The following TOPAZ1 variants were observed in gnomAD, a reference collection of about 807,000 sequenced individuals.
TOPAZ1 encodes protein TOPAZ1.
Under a neutral mutation model 172.2 loss-of-function variants are expected in TOPAZ1, and 66 were observed. That is an observed-to-expected ratio of 0.38 (90% CI 0.31 to 0.47). The LOEUF (loss-of-function observed/expected upper bound fraction) is 0.47. TOPAZ1 is among the 20% of genes least tolerant of loss of function. The pLI is 0.99. For missense variants in TOPAZ1, 1,822 were observed against 1,972.4 expected, an observed-to-expected ratio of 0.92 and a Z score of 1.44; for synonymous variants, 681 against 683.9, an observed-to-expected ratio of 1.00 and a Z score of 0.07.
At chr3:44,276,390 T>C (rs1699957863) in intron 8 of TOPAZ1, among the ~76,000 whole-genome samples, 1 of 152,118 alleles carries the variant, frequency 6.6e-6, no homozygotes, top group Non-Finnish European at 1.5e-5. Context: ...CTTCTGAATA[T>C]GGATATCTTA....
chr3:44,317,800 T>C (rs1700466426), intron 16 of TOPAZ1, among the ~76,000 whole-genome samples: 1 of 152,230 alleles, frequency 6.6e-6, no homozygotes, highest in South Asian at 2.1e-4. Context: ...GTAAACTGTT[T>C]CTTATTCTTG....
chr3:44,331,940 T>A lies in TOPAZ1; in HGVS notation c.5008T>A (p.Cys1670Ser). The A allele has an allele frequency of 6.4e-7, 1 of 1,551,546 alleles. No homozygotes were observed. Among genetic ancestry groups the A allele is most frequent in the Non-Finnish European group, 8.7e-7 (1 of 1,146,982 alleles). ...GGAACAGGTTTATAGTTTGGAACAT[T>A]GTTCTGCCCTGAAATGGTTAAAAGA... ...NKEQVYSLEH[C>S]SALKWLKENM... is the part of the protein sequence containing the mutation. The change falls in exon 20 of 20, where the codon TGT (cysteine) becomes AGT (serine). Residue 1670 changes from cysteine (C) to serine (S), a missense_variant. Around this residue, in one of 2 missense-constraint regions of TOPAZ1, gnomAD observed 333 missense variants for 481.7 expected, o/e 0.69. Coordinates refer to ENST00000309765, the MANE Select transcript of TOPAZ1 (RefSeq NM_001145030.2).
chr3:44,325,424 A>G (rs1414852148), intron 18 of TOPAZ1, among the ~76,000 whole-genome samples: 1 of 152,154 alleles, frequency 6.6e-6, no homozygotes, highest in East Asian at 1.9e-4. Context: ...ATAGTCACAG[A>G]GTCATGCAGC....
intron 16 of TOPAZ1, among the ~76,000 whole-genome samples, chr3:44,316,060 C>T (rs1256483556): frequency 6.6e-6 from 1 of 151,752 alleles, no homozygotes; most frequent in Admixed American, 6.6e-5. Context: ...CGTAGGGAGA[C>T]TCTGTCTCTA....
In TOPAZ1 at chr3:44,243,034, A is replaced by G; in HGVS notation, c.528A>G (p.Lys176=). 6.5e-7 allele frequency: 1 copy of G among 1,541,322 alleles called. No homozygotes were observed. The highest frequency in any genetic ancestry group is 8.7e-7 in the Non-Finnish European group (1 of 1,144,572). Residue 176 remains lysine, a synonymous_variant, in exon 2 of 20, where the codon AAA becomes AAG. Coordinates refer to ENST00000309765, the MANE Select transcript of TOPAZ1 (RefSeq NM_001145030.2). ...GAAGAATTCGAAATAAAAAACTTAA[A>G]AGCTTAGAAAACCCACCTCTCAAAA... ...IKRRIRNKKL[K]SLENPPLKIT... is the part of the protein sequence containing the mutation.
At chr3:44,299,393 C>G (rs1293694787) in intron 12 of TOPAZ1, among the ~76,000 whole-genome samples, 8 of 151,988 alleles carry the variant, frequency 5.3e-5, no homozygotes. Flanking sequence ...AAATCAAAAC[C>G]ACAATGAGAT....
At chr3:44,283,747 A>G (rs1303960296) in intron 9 of TOPAZ1, among the ~76,000 whole-genome samples, 3 of 152,170 alleles carry the variant, frequency 2.0e-5, no homozygotes, top group South Asian at 4.1e-4. Context: ...ACGTGTGCAC[A>G]TATGTGCATG....
chr3:44,266,493 C>G (rs1311433113), intron 5 of TOPAZ1, among the ~76,000 whole-genome samples: 1 of 152,158 alleles, frequency 6.6e-6, no homozygotes, highest in Non-Finnish European at 1.5e-5. Flanking sequence ...TGATACTCCT[C>G]CTTTCACTTG....
Position 44,242,926 on chromosome 3 carries a change from A to T in TOPAZ1, c.420A>T (p.Glu140Asp). Residue 140 changes from glutamate to aspartate, a missense_variant, in exon 2 of 20, where the codon GAA (glutamate) becomes GAT (aspartate). This residue lies in a region of TOPAZ1 where 1,489 missense variants were observed against 1,490.8 expected (regional missense o/e 1.00). Transcript: ENST00000309765. ...CAGGGCTTGACTTGGTAAGAAAGGA[A>T]TCATTAACCAGTTCGGAATCTTTCC... ...PQPGLDLVRK[E>D]SLTSSESFQT... 2 of 1,547,478 alleles carry T rather than the reference A, an allele frequency of 1.3e-6. No homozygotes were observed. The highest frequency in any genetic ancestry group is 1.7e-6 in the Non-Finnish European group (2 of 1,146,064).
At chr3:44,334,072 A>G (rs1450098262), downstream of TOPAZ1, among the ~76,000 whole-genome samples, 1 of 152,190 alleles carries the variant, frequency 6.6e-6, no homozygotes, top group African/African-American at 2.4e-5. Flanking sequence ...TTGGAGATGT[A>G]TAGAAATTCT....
At chr3:44,336,679 C>T (rs1700731331), downstream of TOPAZ1, among the ~76,000 whole-genome samples, 1 of 152,164 alleles carries the variant, frequency 6.6e-6, no homozygotes, top group African/African-American at 2.4e-5. Context: ...CTGTGGCTGT[C>T]ATAGCCTAGA....
At chr3:44,303,048 G>T (rs1700293511) in intron 12 of TOPAZ1, among the ~76,000 whole-genome samples, 1 of 152,100 alleles carries the variant, frequency 6.6e-6, no homozygotes, top group Non-Finnish European at 1.5e-5. Flanking sequence ...AACCAGGCTG[G>T]TCTCAAACTC....
At chr3:44,278,862 C>T (rs551025146) in intron 8 of TOPAZ1, among the ~76,000 whole-genome samples, 123 of 144,262 alleles carry the variant, frequency 8.5e-4, no homozygotes, top group Non-Finnish European at 1.5e-3. Flanking sequence ...TTATTTCTTT[C>T]CTTCTACTAG....
intron 15 of TOPAZ1, among the ~76,000 whole-genome samples, chr3:44,307,847 G>T (rs1430472037): frequency 6.6e-6 from 1 of 152,136 alleles, no homozygotes; most frequent in Non-Finnish European, 1.5e-5. Flanking sequence ...TTATTGTGTG[G>T]TAGGCCTGGA....
chr3:44,257,049 C>T (rs1281401817), intron 4 of TOPAZ1, among the ~76,000 whole-genome samples: 1 of 151,918 alleles, frequency 6.6e-6, no homozygotes, highest in Non-Finnish European at 1.5e-5. Flanking sequence ...GATCAATATG[C>T]CGGGTGCAGT....
At chr3:44,253,810 T>C (rs1699663221) in intron 2 of TOPAZ1, among the ~76,000 whole-genome samples, 1 of 152,240 alleles carries the variant, frequency 6.6e-6, no homozygotes, top group South Asian at 2.1e-4. Context: ...AAATGTTTTG[T>C]TTAGTTTTCA....
intron 16 of TOPAZ1, among the ~76,000 whole-genome samples, chr3:44,317,980 T>C (rs1408244259): frequency 6.6e-6 from 1 of 152,268 alleles, no homozygotes; most frequent in African/African-American, 2.4e-5. Flanking sequence ...AGATTTTTTT[T>C]CTTCTTAAAA....
In TOPAZ1 at chr3:44,273,514, A is replaced by G. The variant is rs968988675; in HGVS notation, c.3372+2704A>G. Among the ~76,000 whole-genome samples the G allele has an allele frequency of 3.1e-3, 477 of 152,314 alleles. 11 individuals are homozygous for G. Among genetic ancestry groups the G allele is most frequent in the Non-Finnish European group, 5.0e-4 (34 of 68,020 alleles). ...GGAATTAATCTGGTCAATAATAAAA[A>G]AGTCTCCCTTCCGTATACAAAATAA... On this transcript the variant is annotated intron_variant, in intron 8 of 19. Transcript: ENST00000309765.
intron 2 of TOPAZ1, among the ~76,000 whole-genome samples, chr3:44,254,298 T>C (rs1699668752): frequency 6.6e-6 from 1 of 152,142 alleles, no homozygotes; most frequent in Non-Finnish European, 1.5e-5. Flanking sequence ...CTGTCTTCCT[T>C]TGACATTGAC....
Sources: gnomAD v4.1 joint callset for allele counts (sites outside exome capture counted in the v4.1 genomes callset) on GRCh38, gnomAD v4.1.1 for gene constraint, gnomAD v4.1.1 regional missense constraint, MANE v1.5 for transcripts, NCBI Gene and HGNC (gene_info 2026-07-23, HGNC 2026-07-21) for gene names.